EXOC2: variants seen among roughly 807,000 people sequenced by gnomAD.
The protein encoded by EXOC2 is exocyst complex component 2.
EXOC2 carries 70 observed loss-of-function variants against 131.8 expected under a neutral mutation model. The ratio of observed to expected loss-of-function variants is 0.53; its 90% CI spans 0.44 to 0.65. EXOC2 has a LOEUF of 0.65. Ranked by LOEUF, EXOC2 falls within the 30% of genes least tolerant of loss-of-function variation. The pLI is 0.00. For missense variants in EXOC2, 923 were observed against 1,108.6 expected (o/e 0.83, Z 2.38); for synonymous variants, 411 against 398.4 (o/e 1.03, Z -0.38).
At chr6:685,768 G>A (rs973348247) in intron 1 of EXOC2, among the ~76,000 whole-genome samples, 1 of 152,012 alleles carries the variant, frequency 6.6e-6, no homozygotes, top group African/African-American at 2.4e-5. Flanking sequence ...ATAGAGTTAC[G>A]GCCTGATAAG....
In EXOC2 at chr6:572,590, A is replaced by G; in HGVS notation, c.1373T>C (p.Leu458Pro). Residue 458 changes from leucine to proline, a missense_variant, in exon 13 of 28, where the codon CTC becomes CCC. By Grantham distance (98) the Leu-to-Pro change is moderately conservative. Coordinates refer to ENST00000230449, the MANE Select transcript of EXOC2 (RefSeq NM_018303.6). ...RVAFVEKLTK[L>P]VLSQLPNFWK... ...GAAGTTAGGCAGCTGGCTCAAGACG[A>G]GTTTTGTCAATTTTTCAACAAAGGC... is the stretch of plus-strand genomic sequence containing the variant. 1 of 1,614,126 alleles carries G rather than the reference A, an allele frequency of 6.2e-7. No individual in the cohort carries two copies. Among genetic ancestry groups the G allele is most frequent in the African/African-American group, 1.3e-5 (1 of 75,020 alleles).
chr6:530,246 T>C (rs993769994), intron 23 of EXOC2, among the ~76,000 whole-genome samples: 58 of 152,184 alleles, frequency 3.8e-4, no homozygotes, highest in African/African-American at 1.4e-3. Flanking sequence ...CAAAAGCATA[T>C]GGCAAACACT....
At position 631,577 on chromosome 6, in the gene EXOC2, T is replaced by TA. The variant is rs943787475; in HGVS notation, c.295+1363dup. Among the ~76,000 whole-genome samples the TA allele has an allele frequency of 2.0e-4, 30 of 152,012 alleles. 1 individual carries two copies. Among genetic ancestry groups the TA allele is most frequent in the Non-Finnish European group, 3.7e-4 (25 of 67,994 alleles). The stretch of plus-strand genomic sequence containing the variant: ...AAGAAAAAAAAAAAGAAACCTTTAC[T>TA]AAGCCTACTATGTGCTAGGTCCTGG... On this transcript the variant is annotated intron_variant, in intron 3 of 27. Coordinates refer to ENST00000230449, the MANE Select transcript of EXOC2 (RefSeq NM_018303.6).
intron 26 of EXOC2, among the ~76,000 whole-genome samples, chr6:490,921 A>C (rs1380476180): frequency 6.6e-6 from 1 of 152,236 alleles, no homozygotes; most frequent in Non-Finnish European, 1.5e-5. Context: ...TTATAAGACT[A>C]AGATTTGTCA....
intron 11 of EXOC2, among the ~76,000 whole-genome samples, chr6:584,368 A>T (rs902520995): frequency 2.6e-5 from 4 of 152,242 alleles, no homozygotes; most frequent in Non-Finnish European, 5.9e-5. Flanking sequence ...AAGATATAAC[A>T]GTTTATACTA....
At chr6:556,278 C>T (rs1389617148) in intron 18 of EXOC2, among the ~76,000 whole-genome samples, 1 of 152,204 alleles carries the variant, frequency 6.6e-6, no homozygotes, top group East Asian at 1.9e-4. Flanking sequence ...ACTGTAACCA[C>T]TCCACCTACA....
intron 1 of EXOC2, among the ~76,000 whole-genome samples, chr6:653,981 T>C (rs1322517800): frequency 2.6e-5 from 4 of 152,238 alleles, no homozygotes; most frequent in African/African-American, 7.2e-5. Context: ...GTTCTATCAA[T>C]AGAACAACAG....
chr6:659,648 C>T (rs1264277689), intron 1 of EXOC2, among the ~76,000 whole-genome samples: 1 of 152,168 alleles, frequency 6.6e-6, no homozygotes, highest in Non-Finnish European at 1.5e-5. Flanking sequence ...TTACCTGGAG[C>T]TGAGTCAATC....
chr6:685,101 G>A (rs1490526509), intron 1 of EXOC2, among the ~76,000 whole-genome samples: 1 of 151,084 alleles, frequency 6.6e-6, no homozygotes, highest in Non-Finnish European at 1.5e-5. Flanking sequence ...ACTATAGAAA[G>A]GTGATTTTCC....
chr6:658,098 A>G (rs756106666), intron 1 of EXOC2, among the ~76,000 whole-genome samples: 8 of 152,104 alleles, frequency 5.3e-5, no homozygotes, highest in Non-Finnish European at 7.3e-5. Context: ...CTCAGTTGAA[A>G]TCTTTTTTGG....
chr6:661,342 G>A (rs1429012462), intron 1 of EXOC2, among the ~76,000 whole-genome samples: 1 of 152,198 alleles, frequency 6.6e-6, no homozygotes, highest in East Asian at 1.9e-4. Flanking sequence ...ACTGTCATCA[G>A]GTTATACACA....
At chr6:521,444 G>A (rs1765464987) in intron 23 of EXOC2, among the ~76,000 whole-genome samples, 1 of 152,212 alleles carries the variant, frequency 6.6e-6, no homozygotes, top group African/African-American at 2.4e-5. Flanking sequence ...ATTCTGTGGG[G>A]CTCAAAGTGT....
At chr6:535,854 C>T (rs1270321853) in intron 22 of EXOC2, among the ~76,000 whole-genome samples, 1 of 152,180 alleles carries the variant, frequency 6.6e-6, no homozygotes, top group Non-Finnish European at 1.5e-5. Context: ...AAAAAAATCA[C>T]ACGCCAATAG....
intron 17 of EXOC2, among the ~76,000 whole-genome samples, chr6:560,059 G>C (rs1459813705): frequency 6.6e-6 from 1 of 152,208 alleles, no homozygotes; most frequent in Non-Finnish European, 1.5e-5. Context: ...TGATCATTAG[G>C]ATAGGTCTAT....
At chr6:656,582 G>C in intron 1 of EXOC2, 1 of 1,592,232 alleles carries the variant, frequency 6.3e-7, no homozygotes, top group Non-Finnish European at 8.5e-7. Context: ...CGCGGCCCAG[G>C]GACGAGACCA....
At chr6:637,254 A>G (rs1762145248) in intron 2 of EXOC2, among the ~76,000 whole-genome samples, 1 of 152,246 alleles carries the variant, frequency 6.6e-6, no homozygotes, top group African/African-American at 2.4e-5. Flanking sequence ...GAGTGAAGAC[A>G]GAGCCAACTG....
intron 1 of EXOC2, among the ~76,000 whole-genome samples, chr6:687,167 T>C (rs1293211706): frequency 1.7e-5 from 2 of 119,722 alleles, no homozygotes; most frequent in Non-Finnish European, 3.4e-5. Flanking sequence ...TATCAAATAA[T>C]ATTCTTTTTT....
chr6:498,412 G>C (rs1173180946), intron 24 of EXOC2, among the ~76,000 whole-genome samples: 1 of 152,156 alleles, frequency 6.6e-6, no homozygotes, highest in Admixed American at 6.5e-5. Flanking sequence ...TTTGCACTTT[G>C]GGCTCAAATT....
chr6:548,114 C>T (rs1166298521), intron 22 of EXOC2, among the ~76,000 whole-genome samples: 2 of 152,168 alleles, frequency 1.3e-5, no homozygotes, highest in Non-Finnish European at 2.9e-5. Flanking sequence ...CCTTGCAATT[C>T]TTAACACAAA....
Sources: gnomAD v4.1 joint callset for allele counts (sites outside exome capture counted in the v4.1 genomes callset) on GRCh38, gnomAD v4.1.1 for gene constraint, MANE v1.5 for transcripts, NCBI Gene and HGNC (gene_info 2026-07-23, HGNC 2026-07-21) for gene names.